Variants in SNX13 observed in about 807,000 individuals in gnomAD.
SNX13 encodes sorting nexin-13.
A neutral mutation model predicts 133.6 loss-of-function variants in SNX13; 45 were observed. That is an observed-to-expected ratio of 0.34 (90% confidence interval 0.27 to 0.43). The LOEUF is 0.43. Ranked by LOEUF, SNX13 falls within the 20% of genes least tolerant of loss-of-function variation. SNX13 has a pLI of 1.00. For synonymous variants in SNX13, 414 were observed against 373.9 expected (o/e 1.11, Z -1.24); for missense variants, 1,032 against 1,145.1 (o/e 0.90, Z 1.43).
intron 1 of SNX13, among the ~76,000 whole-genome samples, chr7:17,912,612 A>T (rs1027100920): frequency 2.6e-5 from 4 of 152,066 alleles, no homozygotes; most frequent in Non-Finnish European, 4.4e-5. Flanking sequence ...GGTTTACACC[A>T]TGTTGGCCAG....
Position 17,859,856 on chromosome 7 carries a change from A to G in SNX13, c.837+8551T>C, listed in dbSNP as rs1043579131. Reference sequence around the variant, plus strand: ...CCTTTTTTTTGGTTAAGGCTGAATAATATTTTACTGTATGTATATACCACA... The same window carrying G: ...CCTTTTTTTTGGTTAAGGCTGAATAGTATTTTACTGTATGTATATACCACA... On this transcript the variant is annotated intron_variant, in intron 9 of 25. Coordinates refer to ENST00000428135, the MANE Select transcript of SNX13 (RefSeq NM_015132.5). Among the ~76,000 whole-genome samples the G allele has an allele frequency of 5.3e-5, 8 of 152,178 alleles. 1 individual carries two copies. Among genetic ancestry groups the G allele is most frequent in the African/African-American group, 1.9e-4 (8 of 41,446 alleles).
chr7:17,798,908 A>G, intron 23 of SNX13, 101 bp downstream of exon 23: 1 of 1,396,034 alleles, frequency 7.2e-7, no homozygotes, highest in South Asian at 1.4e-5. Flanking sequence ...AAAGGCCCAG[A>G]GAAAAAAATT....
At chr7:17,868,278 G>T in intron 9 of SNX13, 129 bp downstream of exon 9, 1 of 690,752 alleles carries the variant, frequency 1.4e-6, no homozygotes, top group East Asian at 3.0e-5. Flanking sequence ...GAAACACAGA[G>T]ATTACTTCAG....
intron 25 of SNX13, 73 bp from the exon 26 acceptor site, chr7:17,794,365 A>T: frequency 6.6e-7 from 1 of 1,517,136 alleles, no homozygotes; most frequent in South Asian, 1.3e-5. Flanking sequence ...AATGTTCTTA[A>T]ATTAAGGTAC....
chr7:17,798,250 G>T (rs1412045108), intron 24 of SNX13, among the ~76,000 whole-genome samples: 1 of 151,778 alleles, frequency 6.6e-6, no homozygotes, highest in African/African-American at 2.4e-5. Context: ...CTTAATTTTT[G>T]TTCCTTGTAG....
chr7:17,910,789 A>T (rs550707033), intron 1 of SNX13, among the ~76,000 whole-genome samples: 2 of 152,372 alleles, frequency 1.3e-5, no homozygotes, highest in South Asian at 4.1e-4. Context: ...GAAAGAAGCC[A>T]GACACAAAGG....
At chr7:17,859,535 C>T (rs375003952) in intron 9 of SNX13, among the ~76,000 whole-genome samples, 1 of 152,126 alleles carries the variant, frequency 6.6e-6, no homozygotes, top group South Asian at 2.1e-4. Flanking sequence ...CTACTGTGGT[C>T]AAAAACAGAA....
intron 11 of SNX13, among the ~76,000 whole-genome samples, chr7:17,848,618 T>C (rs966421158): frequency 6.6e-6 from 1 of 152,212 alleles, no homozygotes; most frequent in African/African-American, 2.4e-5. Flanking sequence ...CCAGTGCTAA[T>C]GCATCGGCCA....
rs116194810 is a variant in SNX13, at chr7:17,843,796, A to G, written c.1165+1799T>C. On this transcript the variant is annotated intron_variant, in intron 12 of 25. Transcript: ENST00000428135. ...GAAAACTCATATATTTTTGGAAATC[A>G]AACAACACACTTTTTATTTACCCTA... is the stretch of plus-strand genomic sequence containing the variant. 4.0e-3 allele frequency among the ~76,000 whole-genome samples: 610 copies of G among 152,176 alleles called. 4 individuals carry two copies. The highest frequency in any genetic ancestry group is 0.013 in the African/African-American group (557 of 41,562).
At chr7:17,800,336 T>C (rs1784480062) in intron 22 of SNX13, among the ~76,000 whole-genome samples, 1 of 151,662 alleles carries the variant, frequency 6.6e-6, no homozygotes, top group Non-Finnish European at 1.5e-5. Context: ...AATTACAACT[T>C]AAAATAAATC....
chr7:17,828,857 A>T (rs1788184551), intron 16 of SNX13, among the ~76,000 whole-genome samples: 1 of 151,574 alleles, frequency 6.6e-6, no homozygotes, highest in African/African-American at 2.4e-5. Context: ...TACAAATGTG[A>T]ATACTAAAAA....
rs558555266 is a variant in SNX13, at chr7:17,889,682, A to G, written c.440+681T>C. ...ATAAAAATGAAAGTAAACATAATTT[A>G]AACAGGTGTGAAATAGCCTCCCATC... On this transcript the variant is annotated intron_variant, in intron 5 of 25. Transcript: ENST00000428135. The G allele has an allele frequency of 4.6e-5, 7 of 152,302 alleles. No individual in the cohort carries two copies. In the South Asian group the frequency reaches 6.2e-4, roughly 14 times the overall value. The allele number at this position is 152,302 out of a possible 1,614,324, so 9.4% of individuals were successfully genotyped here. A position where few individuals can be genotyped will look rare whatever the true frequency, so the allele number is the denominator to read the frequency against.
intron 21 of SNX13, 138 bp from the exon 22 acceptor site, chr7:17,801,797 A>G: frequency 1.8e-6 from 1 of 549,084 alleles, no homozygotes. Context: ...TAACAATCTA[A>G]AATTTGGAAC....
At chr7:17,819,886 A>G (rs1009641018) in intron 18 of SNX13, among the ~76,000 whole-genome samples, 4 of 115,510 alleles carry the variant, frequency 3.5e-5, no homozygotes, top group African/African-American at 1.7e-4. Flanking sequence ...TATAAACTTT[A>G]TAAGAAACAC....
intron 9 of SNX13, among the ~76,000 whole-genome samples, chr7:17,852,897 G>A (rs893647589): frequency 6.6e-6 from 1 of 152,138 alleles, no homozygotes; most frequent in Admixed American, 6.5e-5. Flanking sequence ...AAATATACAT[G>A]CATAGATACA....
In SNX13 at chr7:17,796,348, G is replaced by T. The variant is rs757081945; in HGVS notation, c.2626+479C>A. 6.2e-4 allele frequency: 95 copies of T among 153,006 alleles called. 1 individual carries two copies. Among genetic ancestry groups the T allele is most frequent in the Admixed American group, 4.1e-3 (63 of 15,456 alleles). 9.5% of individuals were successfully genotyped at this position (153,006 alleles called of 1,614,324 possible). A position where few individuals can be genotyped will look rare whatever the true frequency, so the allele number is the denominator to read the frequency against. On this transcript the variant is annotated intron_variant, in intron 25 of 25. Transcript: ENST00000428135. ...GCCAATCAGTTCTTTCTATGTAAAT[G>T]GAGTTTTTGAAATAACTTGTTTTCC...
At position 17,940,455 on chromosome 7, in the gene SNX13, C is replaced by G. The variant is rs746631668; in HGVS notation, c.-160G>C. On this transcript the variant is annotated 5_prime_UTR_variant, in exon 1 of 26. Transcript: ENST00000428135. ...TCGGCTTCGCTGGCCTCCCCTCGGC[C>G]CGGTCGCTCGCGACGGACGCGCCGC... 2 of 805,388 alleles carry G rather than the reference C, an allele frequency of 2.5e-6. No homozygotes were observed. Among genetic ancestry groups the G allele is most frequent in the South Asian group, 2.9e-5 (2 of 69,518 alleles). The allele number at this position is 805,388 out of a possible 1,614,324, so 49.9% of individuals were successfully genotyped here. A position where few individuals can be genotyped will look rare whatever the true frequency, so the allele number is the denominator to read the frequency against.
chr7:17,905,817 G>C (rs1436348326), intron 1 of SNX13, among the ~76,000 whole-genome samples: 1 of 152,128 alleles, frequency 6.6e-6, no homozygotes, highest in Non-Finnish European at 1.5e-5. Flanking sequence ...GATTTTGTCT[G>C]TTTAAAAAGA....
At chr7:17,850,060 G>C (rs529915851) in intron 11 of SNX13, among the ~76,000 whole-genome samples, 2 of 152,080 alleles carry the variant, frequency 1.3e-5, no homozygotes, top group African/African-American at 2.4e-5. Flanking sequence ...CTGAATAAAT[G>C]TAAGTTTTGA....
Sources: allele counts gnomAD v4.1 joint callset (sites outside exome capture counted in the v4.1 genomes callset), GRCh38; gene constraint gnomAD v4.1.1; transcripts MANE v1.5; gene names NCBI Gene and HGNC (gene_info 2026-07-23, HGNC 2026-07-21).